The following RNGTT variants were observed in gnomAD, a reference collection of about 807,000 sequenced individuals.
The protein encoded by RNGTT is mRNA-capping enzyme.
Under a neutral mutation model 79.3 loss-of-function variants are expected in RNGTT, and 33 were observed. The ratio of observed to expected loss-of-function variants is 0.42; its 90% CI spans 0.32 to 0.56. RNGTT has a LOEUF of 0.56. Among genes scored for constraint, RNGTT ranks in the 20% least tolerant of loss-of-function variants. The pLI is 0.17. For synonymous variants in RNGTT, 222 were observed against 235.9 expected (o/e 0.94, Z 0.54); for missense variants, 497 against 739.1 (o/e 0.67, Z 3.80).
At chr6:88,671,718 T>C (rs995759092) in intron 14 of RNGTT, among the ~76,000 whole-genome samples, 10 of 152,284 alleles carry the variant, frequency 6.6e-5, no homozygotes, top group South Asian at 2.1e-4. Flanking sequence ...TACAAGGATA[T>C]AGTTGCCAAA....
At chr6:88,822,629 T>C (rs974663784) in intron 11 of RNGTT, among the ~76,000 whole-genome samples, 1 of 152,200 alleles carries the variant, frequency 6.6e-6, no homozygotes, top group Non-Finnish European at 1.5e-5. Context: ...CTCCATCTAC[T>C]GTCAACTACA....
At position 88,714,664 on chromosome 6, in the gene RNGTT, G is replaced by C. The variant is rs371471234; in HGVS notation, c.1440-36245C>G. 8.2e-4 allele frequency among the ~76,000 whole-genome samples: 74 copies of C among 90,744 alleles called. 4 individuals are homozygous for C. The East Asian group carries it at 0.016, about 19-fold the overall frequency. The allele number at this position is 90,744 out of a possible 152,430, so 59.5% of individuals were successfully genotyped here. A position where few individuals can be genotyped will look rare whatever the true frequency, so the allele number is the denominator to read the frequency against. On this transcript the variant is annotated intron_variant, in intron 13 of 15. Coordinates refer to ENST00000369485, the MANE Select transcript of RNGTT (RefSeq NM_003800.5). ...TCACCGTTTTAGCCGGGATGGTCTC[G>C]ATCTCCTGACCTCGTGATCCGCCCG...
At chr6:88,754,336 A>T (rs1031928985) in intron 13 of RNGTT, among the ~76,000 whole-genome samples, 1 of 152,206 alleles carries the variant, frequency 6.6e-6, no homozygotes, top group East Asian at 1.9e-4. Context: ...TCAGGTCAAC[A>T]TTGGCCCCAG....
intron 11 of RNGTT, among the ~76,000 whole-genome samples, chr6:88,836,247 TG>T (rs1781076663): frequency 6.6e-6 from 1 of 151,172 alleles, no homozygotes; most frequent in South Asian, 2.1e-4. Flanking sequence ...TATATATAAT[TG>T]ATGACACTTT....
At chr6:88,867,008 A>T (rs957467585) in intron 8 of RNGTT, among the ~76,000 whole-genome samples, 5 of 152,218 alleles carry the variant, frequency 3.3e-5, no homozygotes, top group African/African-American at 1.2e-4. Flanking sequence ...CTGGACCAAT[A>T]GCATTAGCAT....
intron 12 of RNGTT, among the ~76,000 whole-genome samples, chr6:88,783,926 T>C (rs9353611): frequency 0.13 from 20,191 of 152,118 alleles, 1,530 homozygotes; most frequent in Middle Eastern, 0.24. Flanking sequence ...CCAGTACCTA[T>C]TGATCAACTG....
At chr6:88,806,435 G>C (rs533342634) in intron 11 of RNGTT, among the ~76,000 whole-genome samples, 1 of 150,688 alleles carries the variant, frequency 6.6e-6, no homozygotes, top group Non-Finnish European at 1.5e-5. Context: ...CTCCTGCCTC[G>C]GCCTCCTAAG....
At chr6:88,745,998 A>T (rs1416086146) in intron 13 of RNGTT, among the ~76,000 whole-genome samples, 1 of 152,124 alleles carries the variant, frequency 6.6e-6, no homozygotes, top group African/African-American at 2.4e-5. Flanking sequence ...AGGCTTTGTG[A>T]GTACAGAGCA....
At chr6:88,725,460 G>C (rs1467456946) in intron 13 of RNGTT, among the ~76,000 whole-genome samples, 2 of 152,232 alleles carry the variant, frequency 1.3e-5, no homozygotes, top group African/African-American at 4.8e-5. Flanking sequence ...GAAACCGCAG[G>C]GGCGGTAAAG....
intron 1 of RNGTT, among the ~76,000 whole-genome samples, chr6:88,957,377 G>C (rs895836390): frequency 3.9e-5 from 6 of 152,120 alleles, no homozygotes; most frequent in Non-Finnish European, 7.4e-5. Flanking sequence ...AGAGCAATCA[G>C]GCAAGAGAAA....
At chr6:88,731,170 G>GC (rs956952253) in intron 13 of RNGTT, among the ~76,000 whole-genome samples, 2 of 151,440 alleles carry the variant, frequency 1.3e-5, no homozygotes, top group South Asian at 2.1e-4. Flanking sequence ...AAGAATAAAA[G>GC]CCCCCCCAAA....
At chr6:88,840,618 C>CT (rs1781252164) in intron 11 of RNGTT, among the ~76,000 whole-genome samples, 2 of 152,118 alleles carry the variant, frequency 1.3e-5, no homozygotes, top group Non-Finnish European at 2.9e-5. Context: ...AGGCTGGTCT[C>CT]GAACTCTTGG....
chr6:88,940,763 A>C (rs1479959087), intron 2 of RNGTT, among the ~76,000 whole-genome samples: 1 of 152,184 alleles, frequency 6.6e-6, no homozygotes, highest in Non-Finnish European at 1.5e-5. Context: ...GAATTTACAC[A>C]TGAGATCAAA....
chr6:88,812,919 A>C (rs1780188531), intron 11 of RNGTT, among the ~76,000 whole-genome samples: 1 of 152,222 alleles, frequency 6.6e-6, no homozygotes, highest in South Asian at 2.1e-4. Context: ...TTTACTGAGT[A>C]CTAATTACAT....
At chr6:88,616,772 A>G (rs1021070335) in intron 14 of RNGTT, among the ~76,000 whole-genome samples, 1 of 152,102 alleles carries the variant, frequency 6.6e-6, no homozygotes, top group African/African-American at 2.4e-5. Flanking sequence ...GGAGTTCCTT[A>G]TATATTCTGG....
At chr6:88,627,468 C>A (rs750215308) in intron 14 of RNGTT, among the ~76,000 whole-genome samples, 4 of 152,030 alleles carry the variant, frequency 2.6e-5, no homozygotes, top group African/African-American at 9.7e-5. Context: ...ATATAACTAT[C>A]TCCTTTCTCA....
Position 88,904,835 on chromosome 6 carries a change from T to G in RNGTT, c.564A>C (p.Leu188=). Reference sequence around the variant, plus strand: ...CATCCTCAAAACACCAATCTGGCAATAGAGGTGGGGGTGGTGCTTCCTCTA... The same window carrying G: ...CATCCTCAAAACACCAATCTGGCAAGAGAGGTGGGGGTGGTGCTTCCTCTA... The part of the protein sequence containing the change: ...GDIEEAPPPP[L]LPDWCFEDDE... Residue 188 remains leucine (L), a synonymous_variant, in exon 6 of 16, where the codon CTA becomes CTC. Coordinates refer to ENST00000369485, the MANE Select transcript of RNGTT (RefSeq NM_003800.5). The G allele has an allele frequency of 6.2e-7, 1 of 1,614,122 alleles. No homozygotes were observed. The highest frequency in any genetic ancestry group is 8.5e-7 in the Non-Finnish European group (1 of 1,180,036).
chr6:88,774,722 A>G (rs1292409274), intron 12 of RNGTT, among the ~76,000 whole-genome samples: 1 of 152,186 alleles, frequency 6.6e-6, no homozygotes, highest in Non-Finnish European at 1.5e-5. Flanking sequence ...CACAAAAGGA[A>G]AATATTGTAT....
chr6:88,891,751 T>C, intron 7 of RNGTT, 55 bp downstream of exon 7: 1 of 1,090,328 alleles, frequency 9.2e-7, no homozygotes, highest in South Asian at 1.6e-5. Flanking sequence ...ATGCTTGTAT[T>C]AAGTGTTGTA....
Sources: gnomAD v4.1 joint callset for allele counts (sites outside exome capture counted in the v4.1 genomes callset) on GRCh38, gnomAD v4.1.1 for gene constraint, MANE v1.5 for transcripts, NCBI Gene and HGNC (gene_info 2026-07-23, HGNC 2026-07-21) for gene names.